The following TAFA2 variants were observed in gnomAD, a reference collection of about 807,000 sequenced individuals.
The protein encoded by TAFA2 is TAFA chemokine like family member 2, also known as chemokine-like protein TAFA-2.
A neutral mutation model predicts 18.8 loss-of-function variants in TAFA2; 7 were observed. The observed-to-expected ratio is 0.37, with a 90% CI of 0.21 to 0.70. TAFA2 has a LOEUF of 0.70. TAFA2 is among the 30% of genes least tolerant of loss of function. TAFA2 has a pLI of 0.53. For synonymous variants in TAFA2, 60 were observed against 54.2 expected (o/e 1.11, Z -0.47); for missense variants, 122 against 158.1 (o/e 0.77, Z 1.23).
chr12:61,894,516 CAA>C (rs1875760729), intron 1 of TAFA2, among the ~76,000 whole-genome samples: 1 of 152,154 alleles, frequency 6.6e-6, no homozygotes, highest in South Asian at 2.1e-4. Context: ...AGCACAAAGA[CAA>C]ACAGTAAAGA....
intron 1 of TAFA2, among the ~76,000 whole-genome samples, chr12:62,153,000 G>A (rs2062339830): frequency 6.6e-6 from 1 of 152,114 alleles, no homozygotes; most frequent in Admixed American, 6.6e-5. Context: ...TATTAATAAT[G>A]CTAGCACCAC....
At chr12:61,758,054 T>C (rs1043513696) in intron 2 of TAFA2, among the ~76,000 whole-genome samples, 1 of 152,040 alleles carries the variant, frequency 6.6e-6, no homozygotes, top group Non-Finnish European at 1.5e-5. Flanking sequence ...ATAAAGTGTT[T>C]AGGACACTGC....
In TAFA2 at chr12:61,808,202, C is replaced by A. The variant is rs575668894; in HGVS notation, c.107-53178G>T. ...GGTCTTTCCCATGCTGTTCTTGTGACAGTGAATGAGTCTCATGAGATCTGA... is the reference window on the plus strand; with the variant it reads ...GGTCTTTCCCATGCTGTTCTTGTGAAAGTGAATGAGTCTCATGAGATCTGA... On this transcript the variant is annotated intron_variant, in intron 2 of 4. Transcript: ENST00000416284. 2.6e-4 allele frequency among the ~76,000 whole-genome samples: 39 copies of A among 151,574 alleles called. 2 individuals are homozygous for A. The highest frequency in any genetic ancestry group is 9.3e-4 in the African/African-American group (38 of 40,872).
intron 1 of TAFA2, among the ~76,000 whole-genome samples, chr12:62,145,380 G>T (rs567428552): frequency 2.0e-5 from 3 of 152,320 alleles, no homozygotes; most frequent in African/African-American, 7.2e-5. Flanking sequence ...CGGGATGCGT[G>T]CTCCTTATGA....
At chr12:61,969,706 A>G (rs1281294644) in intron 1 of TAFA2, among the ~76,000 whole-genome samples, 3 of 151,736 alleles carry the variant, frequency 2.0e-5, no homozygotes, top group Non-Finnish European at 4.4e-5. Context: ...GTACAAAAAT[A>G]ATGATATAAT....
intron 1 of TAFA2, among the ~76,000 whole-genome samples, chr12:61,907,042 C>T (rs2359974): frequency 0.067 from 10,212 of 152,054 alleles, 1,173 homozygotes; most frequent in African/African-American, 0.23. Context: ...TTAAAAGGGA[C>T]GCAGAGCATA....
At chr12:62,007,990 C>G (rs1437674764) in intron 1 of TAFA2, among the ~76,000 whole-genome samples, 1 of 152,110 alleles carries the variant, frequency 6.6e-6, no homozygotes, top group African/African-American at 2.4e-5. Context: ...TTCCTCTATC[C>G]TTCCCAGCCT....
chr12:61,809,250 G>A (rs1871758497), intron 2 of TAFA2, among the ~76,000 whole-genome samples: 1 of 151,398 alleles, frequency 6.6e-6, no homozygotes, highest in Admixed American at 6.6e-5. Flanking sequence ...CAAAATTATT[G>A]AGCCATTATG....
At chr12:61,742,112 CT>C (rs1351791535) in intron 4 of TAFA2, among the ~76,000 whole-genome samples, 1 of 152,060 alleles carries the variant, frequency 6.6e-6, no homozygotes, top group Non-Finnish European at 1.5e-5. Flanking sequence ...CCTGGCTGGT[CT>C]CGAACATCTG....
chr12:61,751,430 G>A (rs1457480171), intron 4 of TAFA2, among the ~76,000 whole-genome samples: 1 of 151,968 alleles, frequency 6.6e-6, no homozygotes, highest in Non-Finnish European at 1.5e-5. Context: ...AATTTACTTT[G>A]GTTGTACTCA....
In TAFA2 at chr12:62,093,155, G is replaced by A. The variant is rs1868793856; in HGVS notation, c.-2+98104C>T. ...AAATTTTCTTTTACAATGCTTTATTGCTGAATCTCTGATTTGTTTGCTTTT... is the reference window on the plus strand; with the variant it reads ...AAATTTTCTTTTACAATGCTTTATTACTGAATCTCTGATTTGTTTGCTTTT... On this transcript the variant is annotated intron_variant, in intron 1 of 4. Coordinates refer to ENST00000416284, the MANE Select transcript of TAFA2 (RefSeq NM_178539.5). 2.0e-5 allele frequency among the ~76,000 whole-genome samples: 3 copies of A among 151,864 alleles called. No individual in the cohort carries two copies. The South Asian group carries it at 6.2e-4, about 31-fold the overall frequency.
chr12:61,926,203 T>C (rs879564093), intron 1 of TAFA2, among the ~76,000 whole-genome samples: 4 of 152,204 alleles, frequency 2.6e-5, no homozygotes, highest in Non-Finnish European at 4.4e-5. Context: ...CAGTAATTAA[T>C]AGCCTACCAA....
At chr12:61,773,671 A>G in intron 2 of TAFA2, among the ~76,000 whole-genome samples, 1 of 152,006 alleles carries the variant, frequency 6.6e-6, no homozygotes, top group East Asian at 1.9e-4. Flanking sequence ...ATGAAACTGG[A>G]TCCTCATCTC....
At chr12:61,847,000 T>C (rs12815221) in intron 2 of TAFA2, among the ~76,000 whole-genome samples, 43,118 of 152,052 alleles carry the variant, frequency 0.28, 6,847 homozygotes, top group South Asian at 0.4. Context: ...CATTCTTCTC[T>C]TAGCTGCCCT....
intron 1 of TAFA2, among the ~76,000 whole-genome samples, chr12:62,139,575 A>G (rs2062224173): frequency 6.6e-6 from 1 of 152,228 alleles, no homozygotes; most frequent in Non-Finnish European, 1.5e-5. Flanking sequence ...GGTTTGGGAC[A>G]GAAGAAGGGA....
intron 1 of TAFA2, among the ~76,000 whole-genome samples, chr12:61,891,242 G>A (rs1228869353): frequency 6.6e-6 from 1 of 152,132 alleles, no homozygotes; most frequent in Non-Finnish European, 1.5e-5. Flanking sequence ...AACCAGCTGT[G>A]AGGAAGAAGA....
At chr12:61,711,875 A>G (rs1250713381) in intron 4 of TAFA2, among the ~76,000 whole-genome samples, 4 of 152,096 alleles carry the variant, frequency 2.6e-5, no homozygotes, top group Admixed American at 2.0e-4. Context: ...TTCTGGGAGC[A>G]GGAGATATCT....
rs79009103 is a variant in TAFA2, at chr12:62,190,210, G to A, written c.-2+1049C>T. ...GGTCAGGACGTGGAATACTCAATAG[G>A]GAAGCCTCGCGTCCACCCAAAGGCT... On this transcript the variant is annotated intron_variant, in intron 1 of 4. Transcript: ENST00000416284. Among the ~76,000 whole-genome samples, 1,483 of 152,174 alleles carry A rather than the reference G, an allele frequency of 9.7e-3. 21 individuals are homozygous for A. Among genetic ancestry groups the A allele is most frequent in the African/African-American group, 0.029 (1,198 of 41,508 alleles).
At chr12:62,167,727 T>C (rs2062449909) in intron 1 of TAFA2, among the ~76,000 whole-genome samples, 1 of 152,180 alleles carries the variant, frequency 6.6e-6, no homozygotes, top group Non-Finnish European at 1.5e-5. Flanking sequence ...AGACTGTAGT[T>C]CTAAATTTCT....
Sources: allele counts gnomAD v4.1 joint callset (sites outside exome capture counted in the v4.1 genomes callset), GRCh38; gene constraint gnomAD v4.1.1; transcripts MANE v1.5; gene names NCBI Gene and HGNC (gene_info 2026-07-23, HGNC 2026-07-21).